Variants in UBE2O observed in about 807,000 individuals in gnomAD.
UBE2O encodes (E3-independent) E2 ubiquitin-conjugating enzyme.
UBE2O carries 15 observed loss-of-function variants against 125.8 expected under a neutral mutation model. The ratio of observed to expected loss-of-function variants is 0.12; its 90% CI spans 0.08 to 0.18. The LOEUF (loss-of-function observed/expected upper bound fraction) is 0.18, where lower values mean the gene tolerates loss of function less well. Among genes scored for constraint, UBE2O ranks in the 10% least tolerant of loss-of-function variants. The pLI is 1.00. For synonymous variants in UBE2O, 708 were observed against 703.2 expected, an observed-to-expected ratio of 1.01 and a Z score of -0.11; for missense variants, 1,280 against 1,723.6, an observed-to-expected ratio of 0.74 and a Z score of 4.56.
At position 76,391,849 on chromosome 17, in the gene UBE2O, A is replaced by C. The variant is rs749167261; in HGVS notation, c.3151-36T>G. The C allele has an allele frequency of 3.4e-5, 55 of 1,613,846 alleles. No individual in the cohort carries two copies. The highest frequency in any genetic ancestry group is 1.0e-5 in the Non-Finnish European group (12 of 1,179,954). On this transcript the variant is annotated intron_variant, in intron 16 of 17. Coordinates refer to ENST00000319380, the MANE Select transcript of UBE2O (RefSeq NM_022066.4). The surrounding 1 kb of genome is among the most constrained non-coding windows in gnomAD (Gnocchi z 8.4). ...CAGGGCACCATCAATTCTGTTCCCC[A>C]GGCCCCTATCCACCAGTGGCTCTTC...
intron 1 of UBE2O, among the ~76,000 whole-genome samples, chr17:76,417,744 G>A (rs1313944509): frequency 2.0e-5 from 3 of 152,186 alleles, no homozygotes; most frequent in African/African-American, 7.2e-5. Context: ...GCAGGAAACA[G>A]CTATTGCAGG....
chr17:76,401,966 C>T (rs1263225417), intron 5 of UBE2O, 98 bp downstream of exon 5: 2 of 1,289,774 alleles, frequency 1.6e-6, no homozygotes, highest in Non-Finnish European at 2.1e-6. Flanking sequence ...TTCTAGGAAA[C>T]CGCTCTGTTT....
At chr17:76,436,681 C>A (rs2073002531) in intron 1 of UBE2O, among the ~76,000 whole-genome samples, 1 of 152,186 alleles carries the variant, frequency 6.6e-6, no homozygotes, top group Non-Finnish European at 1.5e-5. Context: ...AACTCCCAAA[C>A]TGCCTCTCTT....
intron 1 of UBE2O, among the ~76,000 whole-genome samples, chr17:76,416,163 T>C (rs2072611327): frequency 6.6e-6 from 1 of 151,626 alleles, no homozygotes; most frequent in Non-Finnish European, 1.5e-5. Context: ...TGGCTTTATA[T>C]ACACATACGT....
Position 76,399,036 on chromosome 17 carries a change from T to C in UBE2O, c.1629-45A>G. 1 of 1,600,540 alleles carries C rather than the reference T, an allele frequency of 6.2e-7. No homozygotes were observed. The highest frequency in any genetic ancestry group is 8.5e-7 in the Non-Finnish European group (1 of 1,174,322). ...AGCAGGCCATGCAAACCCCACCCCC[T>C]CCGCGGAAAGGGCAGAGAGTCTTTC... On this transcript the variant is annotated intron_variant, in intron 9 of 17. Coordinates refer to ENST00000319380, the MANE Select transcript of UBE2O (RefSeq NM_022066.4). This position sits in a 1 kb window ranked among gnomAD's most constrained non-coding sequence, Gnocchi z 6.9.
intron 13 of UBE2O, among the ~76,000 whole-genome samples, chr17:76,397,236 G>A (rs998727261): frequency 2.0e-5 from 3 of 152,208 alleles, no homozygotes; most frequent in Admixed American, 2.0e-4. Context: ...TAGAAGGGCC[G>A]ACATATCCTG....
rs1240553008 is a variant in UBE2O, at chr17:76,424,898, C to G, written c.418-19326G>C. On this transcript the variant is annotated intron_variant, in intron 1 of 17. Coordinates refer to ENST00000319380, the MANE Select transcript of UBE2O (RefSeq NM_022066.4). ...TTTTTTTTTTGAGACAGAGTCTCGC[C>G]CTCACCCTGTCACCCAGGCTGGAGT... 8.0e-5 allele frequency among the ~76,000 whole-genome samples: 12 copies of G among 149,370 alleles called. No homozygotes were observed. In the East Asian group the frequency reaches 2.2e-3, roughly 27 times the overall value.
chr17:76,414,366 C>G (rs1400348533), intron 1 of UBE2O, among the ~76,000 whole-genome samples: 5 of 152,208 alleles, frequency 3.3e-5, no homozygotes, highest in African/African-American at 1.2e-4. Context: ...CTAGAACTTA[C>G]ACTGAGATGA....
chr17:76,437,200 C>T (rs1398448520), intron 1 of UBE2O, among the ~76,000 whole-genome samples: 2 of 150,552 alleles, frequency 1.3e-5, no homozygotes, highest in East Asian at 3.9e-4. Context: ...CCGGTAATCC[C>T]AGCACTTTGG....
chr17:76,436,492 G>T (rs540544367), intron 1 of UBE2O, among the ~76,000 whole-genome samples: 1 of 152,116 alleles, frequency 6.6e-6, no homozygotes, highest in East Asian at 1.9e-4. Flanking sequence ...GTGCTGGATT[G>T]TCAGAGACTG....
In UBE2O at chr17:76,400,047, G is replaced by GC; in HGVS notation, c.1155+99dup. 5.2e-6 allele frequency: 8 copies of GC among 1,531,744 alleles called. No individual in the cohort carries two copies. Among genetic ancestry groups the GC allele is most frequent in the Non-Finnish European group, 4.4e-6 (5 of 1,133,026 alleles). 94.9% of individuals were successfully genotyped at this position (1,531,744 alleles called of 1,614,324 possible). On this transcript the variant is annotated intron_variant, in intron 8 of 17. Coordinates refer to ENST00000319380, the MANE Select transcript of UBE2O (RefSeq NM_022066.4). The surrounding 1 kb of genome is among the most constrained non-coding windows in gnomAD (Gnocchi z 4.3). The stretch of plus-strand genomic sequence containing the variant: ...GTAGCCGGCAAGGGTCATCAGGGCT[G>GC]CCCCCCAAGGCCTAAAGCACAGACT...
rs1598586546 is a variant in UBE2O at position 76,400,010 on chromosome 17, G to C, written c.1156-89C>G. ...ATCTCAGGCTGGGGGGATGACAGCT[G>C]TATACACCTGAGTAGCCGGCAAGGG... is the stretch of plus-strand genomic sequence containing the variant. On this transcript the variant is annotated intron_variant, in intron 8 of 17. Transcript: ENST00000319380. This position sits in a 1 kb window ranked among gnomAD's most constrained non-coding sequence, Gnocchi z 4.3. 6.5e-7 allele frequency: 1 copy of C among 1,527,502 alleles called. No homozygotes were observed. The allele number at this position is 1,527,502 out of a possible 1,614,324, so 94.6% of individuals were successfully genotyped here. A position where few individuals can be genotyped will look rare whatever the true frequency, so the allele number is the denominator to read the frequency against.
intron 1 of UBE2O, among the ~76,000 whole-genome samples, chr17:76,448,932 C>T (rs895896809): frequency 1.3e-5 from 2 of 152,276 alleles, no homozygotes; most frequent in Non-Finnish European, 1.5e-5. Flanking sequence ...GGCTACCTCG[C>T]TGAACAGGTC....
chr17:76,395,779 C>T lies in UBE2O; in HGVS notation c.2892G>A (p.Leu964=), dbSNP rs2072196348. 6.2e-7 allele frequency: 1 copy of T among 1,614,228 alleles called. No homozygotes were observed. Among genetic ancestry groups the T allele is most frequent in the Non-Finnish European group, 8.5e-7 (1 of 1,180,040 alleles). The change falls in exon 15 of 18, where the codon CTG becomes CTA. Residue 964 remains leucine (L), a synonymous_variant. Transcript: ENST00000319380. The surrounding 1 kb of genome is among the most constrained non-coding windows in gnomAD (Gnocchi z 5.0). ...FFSTVRKEMA[L]LATSLPEGIM... is the part of the protein sequence containing the mutation. Reference sequence around the variant, plus strand: ...TGCCCTCAGGCAGTGAGGTAGCCAGCAGCGCCATCTCCTTCCGCACTGTGC... The same window carrying T: ...TGCCCTCAGGCAGTGAGGTAGCCAGTAGCGCCATCTCCTTCCGCACTGTGC...
intron 1 of UBE2O, among the ~76,000 whole-genome samples, chr17:76,417,526 T>C (rs76308755): frequency 0.011 from 1,661 of 152,306 alleles, 33 homozygotes; most frequent in African/African-American, 0.038. Flanking sequence ...TCCTTGTTAA[T>C]ATGGTCAAAA....
intron 1 of UBE2O, among the ~76,000 whole-genome samples, chr17:76,434,248 C>T (rs1321430423): frequency 6.6e-6 from 1 of 152,172 alleles, no homozygotes; most frequent in African/African-American, 2.4e-5. Context: ...AGCACACAGT[C>T]CTATCTCAGA....
At position 76,396,263 on chromosome 17, in the gene UBE2O, G is replaced by A. The variant is rs1317029401; in HGVS notation, c.2674C>T (p.Pro892Ser). The change falls in exon 14 of 18, where the codon CCC (proline) becomes TCC (serine). Residue 892 changes from proline to serine, a missense_variant. Physicochemically the swap from Pro to Ser is moderately conservative, Grantham distance 74. This residue lies in a region of UBE2O where 116 missense variants were observed against 154.8 expected (regional missense o/e 0.75). Coordinates refer to ENST00000319380, the MANE Select transcript of UBE2O (RefSeq NM_022066.4). This position sits in a 1 kb window ranked among gnomAD's most constrained non-coding sequence, Gnocchi z 6.7. Reference sequence around the variant, plus strand: ...GCCTTCACAGGTGACTGCCCCTCGGGCTTGTCCTCCTTGCGCTCTACGTCG... The same window carrying A: ...GCCTTCACAGGTGACTGCCCCTCGGACTTGTCCTCCTTGCGCTCTACGTCG... ...VPDVERKEDK[P>S]EGQSPVKAEW... 6.2e-7 allele frequency: 1 copy of A among 1,614,196 alleles called. No homozygotes were observed. The highest frequency in any genetic ancestry group is 1.7e-5 in the Admixed American group (1 of 60,032).
In UBE2O at chr17:76,453,084, G is replaced by A; in HGVS notation, c.58C>T (p.Pro20Ser). The change falls in exon 1 of 18, where the codon CCA becomes TCA. Residue 20 changes from proline to serine, a missense_variant. Transcript: ENST00000319380. ...GGGGCCGGGACTGCCTCCGGGGCTG[G>A]AGCCGGGGCCTGGGCTGGAGCGGGA... The part of the protein sequence containing the change: ...AAPAPAQAPA[P>S]APEAVPAPAA... 8.7e-7 allele frequency: 1 copy of A among 1,147,856 alleles called. No homozygotes were observed. Among genetic ancestry groups the A allele is most frequent in the Non-Finnish European group, 1.1e-6 (1 of 872,608 alleles). The allele number at this position is 1,147,856 out of a possible 1,614,324, so 71.1% of individuals were successfully genotyped here.
At chr17:76,394,186 G>A (rs2072164450) in intron 15 of UBE2O, among the ~76,000 whole-genome samples, 1 of 152,134 alleles carries the variant, frequency 6.6e-6, no homozygotes, top group Non-Finnish European at 1.5e-5. Flanking sequence ...TCTCAGGATC[G>A]CTTGGCTGCT....
Sources: allele counts gnomAD v4.1 joint callset (sites outside exome capture counted in the v4.1 genomes callset), GRCh38; gene constraint gnomAD v4.1.1; regional missense constraint gnomAD v4.1.1; non-coding constraint Gnocchi (gnomAD v3.1); transcripts MANE v1.5; gene names NCBI Gene and HGNC (gene_info 2026-07-23, HGNC 2026-07-21).